Variants in GFAP observed in about 807,000 individuals in gnomAD.
GFAP encodes the protein glial fibrillary acidic protein, also known as intermediate filament protein.
In GFAP, 38 loss-of-function variants were observed where a neutral mutation model predicts 49.3. The observed-to-expected ratio is 0.77, with a 90% CI of 0.60 to 1.01. The LOEUF is 1.01. GFAP is among the 50% of genes least tolerant of loss of function. The probability of loss-of-function intolerance (pLI) is 0.00; values close to 1 mark genes in which losing one functional copy is unlikely to be tolerated. For synonymous variants in GFAP, 222 were observed against 236.4 expected, an observed-to-expected ratio of 0.94 and a Z score of 0.56; for missense variants, 463 against 579.1, an observed-to-expected ratio of 0.80 and a Z score of 2.06.
At chr17:44,911,552 G>A in intron 5 of GFAP, 96 bp from the exon 6 acceptor site, 1 of 1,564,088 alleles carries the variant, frequency 6.4e-7, no homozygotes, top group South Asian at 1.1e-5. Context: ...CTCTAGCCCG[G>A]GGGTAACGTT....
At position 44,907,048 on chromosome 17, in the gene GFAP, C is replaced by T. The variant is rs992107224; in HGVS notation, c.*299G>A. The T allele has an allele frequency of 1.9e-6, 1 of 519,986 alleles. No individual in the cohort carries two copies. The highest frequency in any genetic ancestry group is 3.5e-6 in the Non-Finnish European group (1 of 284,830). The allele number at this position is 519,986 out of a possible 1,614,324, so 32.2% of individuals were successfully genotyped here. ...AGTAGGTGCCCCCCGCCCTCCTCCC[C>T]TTCTCTCCTTCCTCCTCATTCTAAC... On this transcript the variant is annotated 3_prime_UTR_variant, in exon 9 of 9. Coordinates refer to ENST00000588735, the MANE Select transcript of GFAP (RefSeq NM_002055.5).
At chr17:44,910,570 G>A (rs1232480646) in intron 7 of GFAP, 45 bp downstream of exon 7, 2 of 1,558,586 alleles carry the variant, frequency 1.3e-6, no homozygotes, top group Non-Finnish European at 8.7e-7. Flanking sequence ...CTGGAGGAGG[G>A]GGCAGGACTC....
At chr17:44,909,678 A>C in intron 7 of GFAP, 4 of 790,714 alleles carry the variant, frequency 5.1e-6, no homozygotes, top group Non-Finnish European at 6.0e-6. Context: ...AATATTTAAC[A>C]TTAAGAGCAG....
rs1045615197 is a variant in GFAP, at chr17:44,903,357, G to T, written c.*3990C>A. 3.9e-5 allele frequency: 49 copies of T among 1,249,626 alleles called. No homozygotes were observed. The African/African-American group carries it at 7.4e-4, about 19-fold the overall frequency. The allele number at this position is 1,249,626 out of a possible 1,614,324, so 77.4% of individuals were successfully genotyped here. A position where few individuals can be genotyped will look rare whatever the true frequency, so the allele number is the denominator to read the frequency against. ...GGCCTGGGAAAGTCCCAAGCCATCAGCTCAGGTCCAGCCAGCCTCCCGGAT... is the reference window on the plus strand; with the variant it reads ...GGCCTGGGAAAGTCCCAAGCCATCATCTCAGGTCCAGCCAGCCTCCCGGAT... On this transcript the variant is annotated 3_prime_UTR_variant, in exon 9 of 9. Coordinates refer to ENST00000588735, the MANE Select transcript of GFAP (RefSeq NM_002055.5).
Position 44,903,304 on chromosome 17 carries a change from C to T in GFAP, c.*4043G>A. On this transcript the variant is annotated 3_prime_UTR_variant, in exon 9 of 9. Coordinates refer to ENST00000588735, the MANE Select transcript of GFAP (RefSeq NM_002055.5). ...CATCATTTGAGGTGTTGAATTTTCC[C>T]CTAGAGACTCAGTTCTTGTGCAGGT... is the stretch of plus-strand genomic sequence containing the variant. The T allele has an allele frequency of 1.6e-6, 2 of 1,245,420 alleles. No individual in the cohort carries two copies. The highest frequency in any genetic ancestry group is 2.0e-6 in the Non-Finnish European group (2 of 995,834). The allele number at this position is 1,245,420 out of a possible 1,614,324, so 77.1% of individuals were successfully genotyped here.
At chr17:44,914,395 T>G in intron 1 of GFAP, 1 of 406,360 alleles carries the variant, frequency 2.5e-6, no homozygotes, top group Non-Finnish European at 4.5e-6. Context: ...GCACATGTCC[T>G]CCTGCACTTG....
At chr17:44,911,014 T>G (rs2051749689) in intron 6 of GFAP, 1 of 621,008 alleles carries the variant, frequency 1.6e-6, no homozygotes, top group East Asian at 2.7e-5. Context: ...CCCAAGTCCT[T>G]GGCCTTGAGG....
Position 44,904,961 on chromosome 17 carries a change from G to C in GFAP, c.*2386C>G. On this transcript the variant is annotated 3_prime_UTR_variant, in exon 9 of 9. Transcript: ENST00000588735. ...CTCAGATCCTGAGACTCGCTCGGCT[G>C]TGGAGCTCACCCTGATAGGCTACCT... 1 of 1,550,748 alleles carries C rather than the reference G, an allele frequency of 6.4e-7. No individual in the cohort carries two copies.
rs1481266433 is a variant in GFAP at position 44,903,207 on chromosome 17, CA to C, written c.*4139del. On this transcript the variant is annotated 3_prime_UTR_variant, in exon 9 of 9. Coordinates refer to ENST00000588735, the MANE Select transcript of GFAP (RefSeq NM_002055.5). ...TATGGTAAACAAACACTGATCTCCA[CA>C]GCTCTTAACAAGAATGTTTATAGCC... 7.9e-7 allele frequency: 1 copy of C among 1,261,810 alleles called. No homozygotes were observed. Among genetic ancestry groups the C allele is most frequent in the Non-Finnish European group, 9.9e-7 (1 of 1,005,344 alleles). 78.2% of individuals were successfully genotyped at this position (1,261,810 alleles called of 1,614,324 possible).
In GFAP at chr17:44,912,058, G is replaced by A. The variant is rs374052711; in HGVS notation, c.781-261C>T. On this transcript the variant is annotated intron_variant, in intron 4 of 8. Transcript: ENST00000588735. ...CTTCCACACTGACAGCTGCATCTGC[G>A]GGACTGAACGCTGTCGTCTTAGGCG... Among the ~76,000 whole-genome samples the A allele has an allele frequency of 6.0e-4, 91 of 152,292 alleles. 5 individuals are homozygous for A. The South Asian group carries it at 0.019, about 32-fold the overall frequency.
At chr17:44,910,200 G>A in intron 7 of GFAP, 1 of 1,613,898 alleles carries the variant, frequency 6.2e-7, no homozygotes, top group Non-Finnish European at 8.5e-7. Flanking sequence ...AACTCGTATT[G>A]TGAGGCTTTT....
At position 44,904,616 on chromosome 17, in the gene GFAP, G is replaced by C. The variant is rs1223812180; in HGVS notation, c.*2731C>G. The C allele has an allele frequency of 1.9e-6, 3 of 1,550,482 alleles. No individual in the cohort carries two copies. Among genetic ancestry groups the C allele is most frequent in the Non-Finnish European group, 2.6e-6 (3 of 1,147,014 alleles). On this transcript the variant is annotated 3_prime_UTR_variant, in exon 9 of 9. Transcript: ENST00000588735. ...GGCCATCATTAACTATGTGTCCAAA[G>C]TGGGCAGCCGGCCCTGGGTGCCCCA...
rs531795086 is a variant in GFAP at position 44,913,131 on chromosome 17, C to G, written c.780+138G>C. 218 of 848,922 alleles carry G rather than the reference C, an allele frequency of 2.6e-4. No individual in the cohort carries two copies. The African/African-American group carries it at 3.1e-3, about 12-fold the overall frequency. The allele number at this position is 848,922 out of a possible 1,614,324, so 52.6% of individuals were successfully genotyped here. A position where few individuals can be genotyped will look rare whatever the true frequency, so the allele number is the denominator to read the frequency against. On this transcript the variant is annotated intron_variant, in intron 4 of 8. Coordinates refer to ENST00000588735, the MANE Select transcript of GFAP (RefSeq NM_002055.5). ...TAGTGCCTGTGTGACCCTGGGCAAG[C>G]CATCTCACTTCTCTGGTGAAAGTCA...
chr17:44,910,757 C>A (rs1056705036), intron 6 of GFAP, 99 bp from the exon 7 acceptor site: 147 of 1,520,928 alleles, frequency 9.7e-5, no homozygotes, highest in Middle Eastern at 2.3e-4. Context: ...ACGCCCTTTT[C>A]CTTGCCAGGA....
rs764855112 is a variant in GFAP, at chr17:44,914,365, G to GCA, written c.462-279_462-278dup. 2,038 of 471,756 alleles carry GCA rather than the reference G, an allele frequency of 4.3e-3. 3 individuals carry two copies. Among genetic ancestry groups the GCA allele is most frequent in the African/African-American group, 0.011 (498 of 46,460 alleles). 29.2% of individuals were successfully genotyped at this position (471,756 alleles called of 1,614,324 possible). A position where few individuals can be genotyped will look rare whatever the true frequency, so the allele number is the denominator to read the frequency against. On this transcript the variant is annotated intron_variant, in intron 1 of 8. Coordinates refer to ENST00000588735, the MANE Select transcript of GFAP (RefSeq NM_002055.5). ...CATCCACAAGCATACACTCACTGTT[G>GCA]CACACACACACACACACACGCACAT... is the stretch of plus-strand genomic sequence containing the variant.
Position 44,907,010 on chromosome 17 carries a change from T to C in GFAP, c.*337A>G. 2.3e-6 allele frequency: 1 copy of C among 426,436 alleles called. No homozygotes were observed. Among genetic ancestry groups the C allele is most frequent in the Non-Finnish European group, 4.4e-6 (1 of 227,156 alleles). 26.4% of individuals were successfully genotyped at this position (426,436 alleles called of 1,614,324 possible). ...TCCATAACAACAGGAATCAGGGATG[T>C]GGAGGGCGATGTAGTAGGTGCCCCC... On this transcript the variant is annotated 3_prime_UTR_variant, in exon 9 of 9. Transcript: ENST00000588735.
rs141327123 is a variant in GFAP, at chr17:44,910,642, G to A, written c.1144C>T (p.Gln382Ter). Reference sequence around the variant, plus strand: ...CGAATCTGCAGGTTGGAGAAGGTCTGCACGGGAATGGTGATCCTGAAAGAA... The same window carrying A: ...CGAATCTGCAGGTTGGAGAAGGTCTACACGGGAATGGTGATCCTGAAAGAA... ...GEENRITIPV[Q>*]TFSNLQIRET... The change falls in exon 7 of 9, where the codon CAG (glutamine) becomes TAG (stop). Residue 382 changes from glutamine to a stop codon, truncating the protein, a stop_gained. Coordinates refer to ENST00000588735, the MANE Select transcript of GFAP (RefSeq NM_002055.5). LOFTEE classifies it high-confidence loss of function. 1.3e-6 allele frequency: 2 copies of A among 1,585,688 alleles called. No homozygotes were observed. The highest frequency in any genetic ancestry group is 4.5e-5 in the East Asian group (2 of 44,132).
intron 4 of GFAP, 40 bp downstream of exon 4, chr17:44,913,229 G>A (rs369002539): frequency 6.3e-7 from 1 of 1,589,948 alleles, no homozygotes; most frequent in East Asian, 2.2e-5. Flanking sequence ...AGCAAGAAGG[G>A]CTGCCTGGAG....
chr17:44,915,416 C>T lies in GFAP; in HGVS notation c.71G>A (p.Gly24Asp). The change falls in exon 1 of 9, where the codon GGC (glycine) becomes GAC (aspartate). Residue 24 changes from glycine (G) to aspartate (D), a missense_variant. Gly to Asp is a moderately conservative substitution (Grantham distance 94). This residue lies in a region of GFAP where 89 missense variants were observed against 87.5 expected (regional missense o/e 1.02). Coordinates refer to ENST00000588735, the MANE Select transcript of GFAP (RefSeq NM_002055.5). This position sits in a 1 kb window ranked among gnomAD's most constrained non-coding sequence, Gnocchi z 4.1. ...ACCCAGACGGCGGCCAGGAGCCAGG[C>T]CCCCCACCATCATCTCCCCTGAGGA... The part of the protein sequence containing the change: ...YVSSGEMMVG[G>D]LAPGRRLGPG... 8 of 1,606,944 alleles carry T rather than the reference C, an allele frequency of 5.0e-6. No individual in the cohort carries two copies. The highest frequency in any genetic ancestry group is 6.0e-6 in the Non-Finnish European group (7 of 1,176,312).
Sources: allele counts gnomAD v4.1 joint callset (sites outside exome capture counted in the v4.1 genomes callset), GRCh38; gene constraint gnomAD v4.1.1; regional missense constraint gnomAD v4.1.1; non-coding constraint Gnocchi (gnomAD v3.1); transcripts MANE v1.5; gene names NCBI Gene and HGNC (gene_info 2026-07-23, HGNC 2026-07-21).